Variants in CDC42 observed in about 807,000 individuals in gnomAD.
CDC42 encodes cell division cycle 42.
In CDC42, 1 loss-of-function variant was observed where a neutral mutation model predicts 20.8. The ratio of observed to expected loss-of-function variants is 0.05; its 90% CI spans 0.02 to 0.23. CDC42 has a LOEUF of 0.23. CDC42 is among the 10% of genes least tolerant of loss of function. The pLI, the probability that CDC42 is intolerant of heterozygous loss-of-function variation, is 1.00. For synonymous variants in CDC42, 72 were observed against 84.8 expected (o/e 0.85, Z 0.83); for missense variants, 49 against 227.9 (o/e 0.21, Z 5.05).
At chr1:22,053,276 G>A (rs934432295) in intron 1 of CDC42, 2 of 151,190 alleles carry the variant, frequency 1.3e-5, no homozygotes, top group African/African-American at 4.8e-5. Context: ...GGGGGGCGGG[G>A]GAGGGGAGTG....
chr1:22,086,410 A>G, intron 3 of CDC42, 29 bp from the exon 4 acceptor site: 2 of 1,436,924 alleles, frequency 1.4e-6, no homozygotes, highest in Non-Finnish European at 1.9e-6. Flanking sequence ...CAGTTGCTGA[A>G]TTCTCTCCAA....
intron 1 of CDC42, among the ~76,000 whole-genome samples, chr1:22,065,051 G>A (rs1645406906): frequency 6.6e-6 from 1 of 152,194 alleles, no homozygotes; most frequent in South Asian, 2.1e-4. Flanking sequence ...AGTGCTCTTT[G>A]CAGAGTGACT....
rs562313007 is a variant in CDC42 at position 22,096,777 on chromosome 1, C to T, written c.*5260C>T. Among the ~76,000 whole-genome samples, 5 of 152,210 alleles carry T rather than the reference C, an allele frequency of 3.3e-5. No homozygotes were observed. The highest frequency in any genetic ancestry group is 7.2e-5 in the African/African-American group (3 of 41,454). ...GGCCCTTCCAAAGATACTTTATGAA[C>T]GACTTGTAATAATTTAGTGATTTTA... On this transcript the variant is annotated 3_prime_UTR_variant, in exon 6 of 6. Transcript: ENST00000656825.
At chr1:22,075,940 T>G (rs1645544684) in intron 1 of CDC42, among the ~76,000 whole-genome samples, 1 of 152,210 alleles carries the variant, frequency 6.6e-6, no homozygotes, top group Non-Finnish European at 1.5e-5. Context: ...GAACAAACTC[T>G]TATCTTACTC....
intron 1 of CDC42, among the ~76,000 whole-genome samples, chr1:22,058,472 T>C (rs994117662): frequency 1.5e-5 from 2 of 134,550 alleles, no homozygotes; most frequent in Non-Finnish European, 3.1e-5. Context: ...CAGGAACTAA[T>C]GTGTTATTTA....
At chr1:22,073,621 A>T (rs961827239) in intron 1 of CDC42, among the ~76,000 whole-genome samples, 1 of 152,080 alleles carries the variant, frequency 6.6e-6, no homozygotes, top group Non-Finnish European at 1.5e-5. Context: ...AGGAAGATAT[A>T]CCTTATTTCA....
At chr1:22,090,067 C>G in intron 5 of CDC42, 1 of 1,609,664 alleles carries the variant, frequency 6.2e-7, no homozygotes, top group Non-Finnish European at 8.5e-7. Flanking sequence ...CTGCTGCTTC[C>G]TGTCCCACTA....
rs1645715580 is a variant in CDC42 at position 22,091,563 on chromosome 1, C to G, written c.*46C>G. 1 of 1,285,076 alleles carries G rather than the reference C, an allele frequency of 7.8e-7. No individual in the cohort carries two copies. The highest frequency in any genetic ancestry group is 1.1e-6 in the Non-Finnish European group (1 of 900,136). 79.6% of individuals were successfully genotyped at this position (1,285,076 alleles called of 1,614,324 possible). A position where few individuals can be genotyped will look rare whatever the true frequency, so the allele number is the denominator to read the frequency against. ...CTGCACAGCTGGTGTCGGCATCATA[C>G]TAAAAGCAATGTTTAAATCAAACTA... On this transcript the variant is annotated 3_prime_UTR_variant, in exon 6 of 6. Transcript: ENST00000656825.
intron 1 of CDC42, among the ~76,000 whole-genome samples, chr1:22,065,871 G>A (rs955198362): frequency 3.9e-5 from 6 of 151,986 alleles, no homozygotes; most frequent in African/African-American, 9.7e-5. Flanking sequence ...CGATTCTCAA[G>A]CCTCAGCCTC....
rs528626365 is a variant in CDC42, at chr1:22,078,708, C to T, written c.105+125C>T. The T allele has an allele frequency of 9.6e-5, 144 of 1,507,786 alleles. 1 individual carries two copies. The South Asian group carries it at 1.7e-3, about 18-fold the overall frequency. 93.4% of individuals were successfully genotyped at this position (1,507,786 alleles called of 1,614,324 possible). A position where few individuals can be genotyped will look rare whatever the true frequency, so the allele number is the denominator to read the frequency against. On this transcript the variant is annotated intron_variant, in intron 2 of 5. Coordinates refer to ENST00000656825, the MANE Select transcript of CDC42 (RefSeq NM_001791.4). ...GCCTTTGTTTCCTGTTTTTAAAGAT[C>T]TTGACTTCTCATGGGTAAATTATAT...
intron 5 of CDC42, chr1:22,089,881 C>T: frequency 6.5e-7 from 1 of 1,543,488 alleles, no homozygotes; most frequent in Non-Finnish European, 8.9e-7. Context: ...GCTGTTGTAC[C>T]TGCTAGTCTT....
intron 1 of CDC42, among the ~76,000 whole-genome samples, chr1:22,061,732 T>C (rs55984853): frequency 7.3e-5 from 11 of 149,914 alleles, no homozygotes; most frequent in Non-Finnish European, 1.6e-4. Flanking sequence ...TTAGTGGAGA[T>C]GTTGGCCATC....
At chr1:22,060,241 G>A (rs571615151) in intron 1 of CDC42, among the ~76,000 whole-genome samples, 2 of 152,222 alleles carry the variant, frequency 1.3e-5, no homozygotes, top group Admixed American at 6.5e-5. Flanking sequence ...GAGAGGCTGA[G>A]GCACGAGAAT....
In CDC42 at chr1:22,100,946, A is replaced by G. The variant is rs1570064125; in HGVS notation, c.*9429A>G. ...CTTAAAGAAATGCTCCTTTTTCTCC[A>G]TAACTTGAGGATTTCACAATTGTAT... On this transcript the variant is annotated 3_prime_UTR_variant, in exon 6 of 6. Coordinates refer to ENST00000656825, the MANE Select transcript of CDC42 (RefSeq NM_001791.4). 6.6e-6 allele frequency: 1 copy of G among 152,230 alleles called. No homozygotes were observed. The highest frequency in any genetic ancestry group is 1.5e-5 in the Non-Finnish European group (1 of 68,010). 9.4% of individuals were successfully genotyped at this position (152,230 alleles called of 1,614,324 possible).
In CDC42 at chr1:22,091,684, C is replaced by T. The variant is rs1234026474; in HGVS notation, c.*167C>T. On this transcript the variant is annotated 3_prime_UTR_variant, in exon 6 of 6. Transcript: ENST00000656825. ...GAGACAAGGCCCATAGGTATGGCCC[C>T]CCCCTTCCCCCTCCCAGTACTAGTT... 3.6e-5 allele frequency: 15 copies of T among 414,126 alleles called. No homozygotes were observed. The highest frequency in any genetic ancestry group is 6.4e-5 in the Non-Finnish European group (15 of 232,904). 25.7% of individuals were successfully genotyped at this position (414,126 alleles called of 1,614,324 possible).
intron 1 of CDC42, among the ~76,000 whole-genome samples, chr1:22,061,729 AGATGTTGGC>A: frequency 6.7e-6 from 1 of 149,864 alleles, no homozygotes; most frequent in African/African-American, 2.5e-5. Context: ...TTTTTAGTGG[AGATGTTGGC>A]CATCTCCACT....
intron 1 of CDC42, among the ~76,000 whole-genome samples, chr1:22,067,565 G>A (rs1241396096): frequency 1.3e-5 from 2 of 152,114 alleles, no homozygotes; most frequent in Non-Finnish European, 2.9e-5. Flanking sequence ...GGCTGGTCTC[G>A]AACGCCTGAC....
rs1193587602 is a variant in CDC42, at chr1:22,087,349, C to A, written c.486+483C>A. ...AAGAAGGCAGCCATGGCTATTTCTG[C>A]CACAGTTCTCAAGCGTGCTTTATAT... On this transcript the variant is annotated intron_variant, in intron 5 of 5. Coordinates refer to ENST00000656825, the MANE Select transcript of CDC42 (RefSeq NM_001791.4). Among the ~76,000 whole-genome samples the A allele has an allele frequency of 8.5e-5, 13 of 152,280 alleles. No individual in the cohort carries two copies. In the East Asian group the frequency reaches 2.5e-3, roughly 29 times the overall value.
intron 5 of CDC42, among the ~76,000 whole-genome samples, chr1:22,087,931 A>G (rs1170742948): frequency 6.6e-6 from 1 of 152,178 alleles, no homozygotes; most frequent in East Asian, 1.9e-4. Context: ...ACTTGGTTGG[A>G]TATTTACAGA....
Sources: allele counts gnomAD v4.1 joint callset (sites outside exome capture counted in the v4.1 genomes callset), GRCh38; gene constraint gnomAD v4.1.1; transcripts MANE v1.5; gene names NCBI Gene and HGNC (gene_info 2026-07-23, HGNC 2026-07-21).